Variants in LPAR1 observed in about 807,000 individuals in gnomAD.
LPAR1 encodes LPA receptor 1.
Under a neutral mutation model 23.8 loss-of-function variants are expected in LPAR1, and 5 were observed. The ratio of observed to expected loss-of-function variants is 0.21; its 90% CI spans 0.11 to 0.44. The LOEUF (loss-of-function observed/expected upper bound fraction) is 0.44. LPAR1 is among the 20% of genes least tolerant of loss of function. LPAR1 has a pLI of 0.99. For synonymous variants in LPAR1, 160 were observed against 164.7 expected (o/e 0.97, Z 0.22); for missense variants, 311 against 482.8 (o/e 0.64, Z 3.33).
chr9:110,887,702 T>C (rs2132978097), intron 5 of LPAR1, among the ~76,000 whole-genome samples: 1 of 152,314 alleles, frequency 6.6e-6, no homozygotes, highest in South Asian at 2.1e-4. Flanking sequence ...AAATTTCAAT[T>C]ATTTTAAGTA....
At chr9:110,992,630 T>C (rs924386883) in intron 2 of LPAR1, among the ~76,000 whole-genome samples, 1 of 152,136 alleles carries the variant, frequency 6.6e-6, no homozygotes, top group African/African-American at 2.4e-5. Flanking sequence ...TATGTATCCA[T>C]AAAACAGAAG....
In LPAR1 at chr9:110,975,834, TCTC is replaced by T. The variant is rs560496469; in HGVS notation, c.-181-2279_-181-2277del. On this transcript the variant is annotated intron_variant, in intron 2 of 5. Transcript: ENST00000683809. ...AAATAAGACAGAAAATTAACTGCCT[TCTC>T]CTAAAACATGCGACACGTCTAATTT... is the stretch of plus-strand genomic sequence containing the variant. Among the ~76,000 whole-genome samples, 169 of 152,270 alleles carry T rather than the reference TCTC, an allele frequency of 1.1e-3. No homozygotes were observed. In the Middle Eastern group the frequency reaches 0.017, roughly 15 times the overall value.
At chr9:111,020,025 G>T (rs2097533542) in intron 2 of LPAR1, among the ~76,000 whole-genome samples, 2 of 152,220 alleles carry the variant, frequency 1.3e-5, no homozygotes, top group South Asian at 4.1e-4. Flanking sequence ...TGGTGAATGT[G>T]TATAGAAACA....
chr9:110,901,008 CCT>C (rs2088707000), intron 5 of LPAR1, among the ~76,000 whole-genome samples: 1 of 152,156 alleles, frequency 6.6e-6, no homozygotes, highest in African/African-American at 2.4e-5. Context: ...TCAATCTGTT[CCT>C]ATAAACTGCT....
At chr9:110,889,980 A>C (rs1047424296) in intron 5 of LPAR1, among the ~76,000 whole-genome samples, 63 of 152,330 alleles carry the variant, frequency 4.1e-4, no homozygotes, top group Middle Eastern at 3.4e-3. Context: ...AGAAATTAAA[A>C]CATGTTACTG....
At chr9:110,903,641 C>T (rs1178916871) in intron 5 of LPAR1, among the ~76,000 whole-genome samples, 1 of 152,070 alleles carries the variant, frequency 6.6e-6, no homozygotes, top group East Asian at 1.9e-4. Context: ...AAAACAGACC[C>T]TCAAGGACTT....
chr9:110,940,273 G>C (rs780204812), intron 5 of LPAR1, among the ~76,000 whole-genome samples: 2 of 152,186 alleles, frequency 1.3e-5, no homozygotes, highest in Non-Finnish European at 2.9e-5. Flanking sequence ...CGAGACCTAT[G>C]CATCAATCTG....
At chr9:111,004,491 T>C (rs1413907623) in intron 2 of LPAR1, among the ~76,000 whole-genome samples, 1 of 152,136 alleles carries the variant, frequency 6.6e-6, no homozygotes, top group Non-Finnish European at 1.5e-5. Context: ...CCACCCCAAC[T>C]CAAAACCTTA....
chr9:110,882,268 A>T (rs1431440356), intron 5 of LPAR1, among the ~76,000 whole-genome samples: 1 of 152,134 alleles, frequency 6.6e-6, no homozygotes, highest in East Asian at 1.9e-4. Context: ...AAGGAATGCT[A>T]CCTCTTTCAT....
At chr9:110,944,703 C>CA (rs1422418484) in intron 4 of LPAR1, among the ~76,000 whole-genome samples, 4 of 152,042 alleles carry the variant, frequency 2.6e-5, no homozygotes, top group Non-Finnish European at 4.4e-5. Context: ...CCACAATGTA[C>CA]AAAGATGAGT....
rs1244126350 is a variant in LPAR1, at chr9:110,941,626, G to A, written c.588C>T (p.Ser196=). ...AGTCACTGTAGAGGGGTGCCATGTT[G>A]GAACAATTTTCAATATCACAGATAC... ...WNCICDIENC[S]NMAPLYSDSY... Residue 196 remains serine, a synonymous_variant, in exon 5 of 6, where the codon TCC becomes TCT. Coordinates refer to ENST00000683809, the MANE Select transcript of LPAR1 (RefSeq NM_001351411.2). The surrounding 1 kb of genome is among the most constrained non-coding windows in gnomAD (Gnocchi z 6.1). The A allele has an allele frequency of 1.2e-6, 2 of 1,614,002 alleles. No homozygotes were observed. The highest frequency in any genetic ancestry group is 2.2e-5 in the East Asian group (1 of 44,888).
At position 110,875,314 on chromosome 9, in the gene LPAR1, G is replaced by A; in HGVS notation, c.*107C>T. The A allele has an allele frequency of 1.1e-6, 1 of 900,300 alleles. No homozygotes were observed. The highest frequency in any genetic ancestry group is 1.7e-6 in the Non-Finnish European group (1 of 600,788). The allele number at this position is 900,300 out of a possible 1,614,324, so 55.8% of individuals were successfully genotyped here. On this transcript the variant is annotated 3_prime_UTR_variant, in exon 6 of 6. Transcript: ENST00000683809. ...CATTGGTTAGTGTTTAAGTACATGA[G>A]TTGACTTTTCTCCTCTCTCACACCC...
intron 5 of LPAR1, among the ~76,000 whole-genome samples, chr9:110,919,735 A>G (rs2093480301): frequency 6.6e-6 from 1 of 152,210 alleles, no homozygotes; most frequent in African/African-American, 2.4e-5. Context: ...TCGCTGGAGA[A>G]CCATCACATG....
rs557139560 is a variant in LPAR1 at position 111,012,232 on chromosome 9, T to C, written c.-182+23890A>G. 1.2e-3 allele frequency among the ~76,000 whole-genome samples: 180 copies of C among 152,102 alleles called. 1 individual carries two copies. The highest frequency in any genetic ancestry group is 3.0e-3 in the Admixed American group (45 of 15,252). On this transcript the variant is annotated intron_variant, in intron 2 of 5. Coordinates refer to ENST00000683809, the MANE Select transcript of LPAR1 (RefSeq NM_001351411.2). ...TGCCACTGCACTCCAGCCTGGACAA[T>C]AGAGCAAAACCCTGTCTCAAACAAA...
Position 110,941,832 on chromosome 9 carries a change from T to C in LPAR1, c.382A>G (p.Ile128Val), listed in dbSNP as rs1158654034. 2 of 1,614,066 alleles carry C rather than the reference T, an allele frequency of 1.2e-6. No homozygotes were observed. The highest frequency in any genetic ancestry group is 8.5e-7 in the Non-Finnish European group (1 of 1,180,022). The change falls in exon 5 of 6, where the codon ATT (isoleucine) becomes GTT (valine). Residue 128 changes from isoleucine to valine, a missense_variant. By Grantham distance (29) the Ile-to-Val change is conservative (BLOSUM62 3). Coordinates refer to ENST00000683809, the MANE Select transcript of LPAR1 (RefSeq NM_001351411.2). The surrounding 1 kb of genome is among the most constrained non-coding windows in gnomAD (Gnocchi z 6.1). ...VSTWLLRQGLIDTSLTASVAN... is the reference protein window; with the variant it reads ...VSTWLLRQGLVDTSLTASVAN... ...ACAGATGCCGTCAGGCTGGTGTCAA[T>C]GAGGCCCTGACGAAGGAGCCATGTG...
At chr9:110,979,659 C>A (rs1467781193) in intron 2 of LPAR1, among the ~76,000 whole-genome samples, 2 of 152,072 alleles carry the variant, frequency 1.3e-5, no homozygotes, top group East Asian at 3.8e-4. Flanking sequence ...ATCAGAAAGT[C>A]TCTGGACTTT....
chr9:110,972,930 CAG>C (rs1588626198), intron 3 of LPAR1, among the ~76,000 whole-genome samples: 1 of 151,746 alleles, frequency 6.6e-6, no homozygotes, highest in East Asian at 1.9e-4. Flanking sequence ...CTGGGCGACA[CAG>C]AGAGACTCCT....
rs949887944 is a variant in LPAR1 at position 110,875,291 on chromosome 9, T to C, written c.*130A>G. 1.8e-5 allele frequency: 12 copies of C among 684,328 alleles called. No homozygotes were observed. Among genetic ancestry groups the C allele is most frequent in the Non-Finnish European group, 2.9e-5 (12 of 414,096 alleles). 42.4% of individuals were successfully genotyped at this position (684,328 alleles called of 1,614,324 possible). On this transcript the variant is annotated 3_prime_UTR_variant, in exon 6 of 6. Coordinates refer to ENST00000683809, the MANE Select transcript of LPAR1 (RefSeq NM_001351411.2). ...TGGGGTCCAGGAACAAATACTGTCA[T>C]TGGTTAGTGTTTAAGTACATGAGTT...
At chr9:110,990,784 G>A (rs1387496708) in intron 2 of LPAR1, among the ~76,000 whole-genome samples, 1 of 152,008 alleles carries the variant, frequency 6.6e-6, no homozygotes, top group East Asian at 1.9e-4. Flanking sequence ...TCCAAAAGAT[G>A]TTTCTTTAAG....
Sources: gnomAD v4.1 joint callset for allele counts (sites outside exome capture counted in the v4.1 genomes callset) on GRCh38, gnomAD v4.1.1 for gene constraint, Gnocchi (gnomAD v3.1) non-coding constraint, MANE v1.5 for transcripts, NCBI Gene and HGNC (gene_info 2026-07-23, HGNC 2026-07-21) for gene names.